GRID2: variants seen among roughly 807,000 people sequenced by gnomAD.
GRID2 encodes the protein glutamate ionotropic receptor delta type subunit 2, also known as glutamate receptor ionotropic, delta-2.
Under a neutral mutation model 114.8 loss-of-function variants are expected in GRID2, and 33 were observed. The observed-to-expected ratio is 0.29, with a 90% CI of 0.22 to 0.38. The LOEUF (loss-of-function observed/expected upper bound fraction) is 0.38, where lower values mean the gene tolerates loss of function less well. GRID2 is among the 10% of genes least tolerant of loss of function. GRID2 has a pLI of 1.00. For synonymous variants in GRID2, 505 were observed against 449.9 expected, an observed-to-expected ratio of 1.12 and a Z score of -1.55; for missense variants, 1,184 against 1,257.7, an observed-to-expected ratio of 0.94 and a Z score of 0.89.
chr4:93,678,572 A>G (rs1256374399), intron 14 of GRID2, among the ~76,000 whole-genome samples: 6 of 152,164 alleles, frequency 3.9e-5, no homozygotes, highest in Non-Finnish European at 7.3e-5. Flanking sequence ...GACTAACAGC[A>G]GATCTCTCAG....
In GRID2 at chr4:93,110,836, A is replaced by G. The variant is rs1198699783; in HGVS notation, c.618A>G (p.Lys206=). 4 of 1,611,026 alleles carry G rather than the reference A, an allele frequency of 2.5e-6. No homozygotes were observed. Among genetic ancestry groups the G allele is most frequent in the Non-Finnish European group, 3.4e-6 (4 of 1,177,194 alleles). Residue 206 remains lysine, a synonymous_variant, in exon 4 of 16, where the codon AAA becomes AAG. Coordinates refer to ENST00000282020, the MANE Select transcript of GRID2 (RefSeq NM_001510.4). ...AGAAGGTAGAAAACAACATCAATAA[A>G]ATGATTACCACTCTCTTTGACACCA... is the stretch of plus-strand genomic sequence containing the variant. ...ALQKVENNIN[K]MITTLFDTMR...
chr4:93,002,005 G>A (rs766031629), intron 2 of GRID2, among the ~76,000 whole-genome samples: 6 of 150,234 alleles, frequency 4.0e-5, no homozygotes, highest in African/African-American at 7.3e-5. Flanking sequence ...TTTTGTGCAG[G>A]TATCTAAGTA....
intron 14 of GRID2, among the ~76,000 whole-genome samples, chr4:93,744,450 T>C (rs1406167127): frequency 1.3e-5 from 2 of 152,202 alleles, no homozygotes; most frequent in Non-Finnish European, 2.9e-5. Flanking sequence ...CCAATCCTCA[T>C]GGATAACTTT....
intron 13 of GRID2, among the ~76,000 whole-genome samples, chr4:93,599,782 CCA>C (rs1739484758): frequency 6.6e-6 from 1 of 152,090 alleles, no homozygotes; most frequent in African/African-American, 2.4e-5. Flanking sequence ...ACTTCCAAGT[CCA>C]CACACAGATC....
chr4:93,768,535 C>G (rs1733857736), intron 14 of GRID2, among the ~76,000 whole-genome samples: 1 of 152,150 alleles, frequency 6.6e-6, no homozygotes, highest in African/African-American at 2.4e-5. Flanking sequence ...TTCTGAAAGC[C>G]TCTGGTCAGG....
chr4:92,830,835 C>T (rs537034440), intron 2 of GRID2, among the ~76,000 whole-genome samples: 39 of 152,226 alleles, frequency 2.6e-4, no homozygotes, highest in Non-Finnish European at 4.6e-4. Flanking sequence ...AAAGCTATTC[C>T]ATTTAAGTAT....
intron 1 of GRID2, among the ~76,000 whole-genome samples, chr4:92,507,974 C>CA (rs1201077132): frequency 1.3e-5 from 2 of 151,868 alleles, no homozygotes; most frequent in Non-Finnish European, 2.9e-5. Context: ...CAGCACAGTA[C>CA]AAAAAATCCA....
At position 93,493,844 on chromosome 4, in the gene GRID2, A is replaced by T. The variant is rs563784029; in HGVS notation, c.1997+3067A>T. Among the ~76,000 whole-genome samples the T allele has an allele frequency of 2.6e-5, 4 of 151,890 alleles. No homozygotes were observed. In the South Asian group the frequency reaches 8.3e-4, roughly 31 times the overall value. On this transcript the variant is annotated intron_variant, in intron 12 of 15. Transcript: ENST00000282020. ...AAAGTAACTTTGCATTCATTTTTTT[A>T]AAAAATCATTCCTTTCCAATGCCAA...
chr4:92,895,722 A>G (rs1747119757), intron 2 of GRID2, among the ~76,000 whole-genome samples: 1 of 151,962 alleles, frequency 6.6e-6, no homozygotes, highest in Admixed American at 6.6e-5. Flanking sequence ...ACTGTGCCAG[A>G]CATTATACCA....
chr4:93,439,941 T>G (rs1480028896), intron 10 of GRID2, among the ~76,000 whole-genome samples: 1 of 151,922 alleles, frequency 6.6e-6, no homozygotes, highest in Non-Finnish European at 1.5e-5. Context: ...GACCCACCAT[T>G]TCCTAGGTAG....
At chr4:92,578,548 A>T (rs1204664788) in intron 1 of GRID2, among the ~76,000 whole-genome samples, 1 of 151,912 alleles carries the variant, frequency 6.6e-6, no homozygotes. Flanking sequence ...CAAAAGATAT[A>T]TGGAAAACAA....
At chr4:93,128,076 A>ATTGGTTT (rs1352997432) in intron 4 of GRID2, among the ~76,000 whole-genome samples, 1 of 137,800 alleles carries the variant, frequency 7.3e-6, no homozygotes, top group Non-Finnish European at 1.5e-5. Context: ...TACGTGCTAT[A>ATTGGTTT]TTGGTTTTAC....
At chr4:93,609,305 T>C (rs1332823317) in intron 13 of GRID2, among the ~76,000 whole-genome samples, 1 of 82,112 alleles carries the variant, frequency 1.2e-5, no homozygotes, top group Non-Finnish European at 2.8e-5. Flanking sequence ...GTGCAGAAGC[T>C]CTTTAGTTTA....
At chr4:92,343,483 C>T (rs1421034901) in intron 1 of GRID2, among the ~76,000 whole-genome samples, 1 of 151,970 alleles carries the variant, frequency 6.6e-6, no homozygotes, top group South Asian at 2.1e-4. Context: ...CTACTCATAG[C>T]CTACTGTAGA....
intron 12 of GRID2, among the ~76,000 whole-genome samples, chr4:93,513,289 A>C (rs1011792134): frequency 9.9e-5 from 15 of 152,062 alleles, no homozygotes; most frequent in African/African-American, 3.6e-4. Context: ...CTGTGTTACC[A>C]CTTTTGGGTA....
intron 2 of GRID2, among the ~76,000 whole-genome samples, chr4:92,823,272 G>C (rs990364894): frequency 6.6e-6 from 1 of 152,086 alleles, no homozygotes; most frequent in Non-Finnish European, 1.5e-5. Flanking sequence ...TTTCATGGCA[G>C]AATTTTTGAC....
At chr4:92,786,505 A>AGGG (rs1249537613) in intron 2 of GRID2, among the ~76,000 whole-genome samples, 4 of 151,856 alleles carry the variant, frequency 2.6e-5, no homozygotes, top group Non-Finnish European at 5.9e-5. Context: ...ACAAGGACTC[A>AGGG]GGGACACATA....
At chr4:93,799,084 C>T (rs951696186) in intron 1 of GRID2, among the ~76,000 whole-genome samples, 2 of 152,200 alleles carry the variant, frequency 1.3e-5, no homozygotes, top group Non-Finnish European at 2.9e-5. Context: ...GACCCTCAAC[C>T]TCAGTTACTT....
intron 8 of GRID2, among the ~76,000 whole-genome samples, chr4:93,387,211 A>G (rs1431426278): frequency 6.6e-6 from 1 of 152,204 alleles, no homozygotes; most frequent in African/African-American, 2.4e-5. Flanking sequence ...TATAATATAG[A>G]TGAAAAGTAT....
Sources: allele counts gnomAD v4.1 joint callset (sites outside exome capture counted in the v4.1 genomes callset), GRCh38; gene constraint gnomAD v4.1.1; transcripts MANE v1.5; gene names NCBI Gene and HGNC (gene_info 2026-07-23, HGNC 2026-07-21).